The following ANKS1A variants were observed in gnomAD, a reference collection of about 807,000 sequenced individuals.
ANKS1A encodes the protein ankyrin repeat and sterile alpha motif domain containing 1A.
A neutral mutation model predicts 120.3 loss-of-function variants in ANKS1A; 55 were observed. The observed-to-expected ratio is 0.46, with a 90% confidence interval of 0.37 to 0.57. The LOEUF (loss-of-function observed/expected upper bound fraction) is 0.57. Ranked by LOEUF, ANKS1A falls within the 20% of genes least tolerant of loss-of-function variation. ANKS1A has a pLI of 0.00. For missense variants in ANKS1A, 1,123 were observed against 1,480.3 expected (o/e 0.76, Z 3.96); for synonymous variants, 590 against 604.7 (o/e 0.98, Z 0.36).
At chr6:35,063,733 T>C (rs1776629654) in intron 13 of ANKS1A, among the ~76,000 whole-genome samples, 2 of 152,156 alleles carry the variant, frequency 1.3e-5, no homozygotes, top group South Asian at 4.1e-4. Flanking sequence ...AGATGTGAAA[T>C]CAGAAAAGCA....
intron 8 of ANKS1A, among the ~76,000 whole-genome samples, chr6:34,986,724 G>A (rs1169547370): frequency 6.6e-6 from 1 of 152,248 alleles, no homozygotes; most frequent in Non-Finnish European, 1.5e-5. Context: ...AAGGCCCGCA[G>A]TCTAGTGGTA....
intron 1 of ANKS1A, among the ~76,000 whole-genome samples, chr6:34,947,515 G>T (rs1032730999): frequency 1.3e-5 from 2 of 152,110 alleles, no homozygotes; most frequent in African/African-American, 4.8e-5. Context: ...ACTCATTAAA[G>T]AATCTCTGAA....
chr6:35,031,863 T>A lies in ANKS1A; in HGVS notation c.2010+13804T>A, dbSNP rs1462206921. On this transcript the variant is annotated intron_variant, in intron 11 of 23. Coordinates refer to ENST00000360359, the MANE Select transcript of ANKS1A (RefSeq NM_015245.3). ...CTTCTCTTTCATCTCATACCCTATT[T>A]TTCCAGCTCAGTTAATTCCTATACT... is the stretch of plus-strand genomic sequence containing the variant. Among the ~76,000 whole-genome samples, 2 of 152,172 alleles carry A rather than the reference T, an allele frequency of 1.3e-5. 1 individual carries two copies. The highest frequency in any genetic ancestry group is 6.3e-3 in the Middle Eastern group (2 of 316).
chr6:34,934,995 C>T (rs1046475106), intron 1 of ANKS1A, among the ~76,000 whole-genome samples: 2 of 152,182 alleles, frequency 1.3e-5, no homozygotes, highest in African/African-American at 4.8e-5. Context: ...TTCATATTTA[C>T]TCTAATGTAA....
intron 13 of ANKS1A, among the ~76,000 whole-genome samples, chr6:35,067,283 C>A (rs1419889616): frequency 1.3e-5 from 2 of 152,160 alleles, no homozygotes; most frequent in Admixed American, 6.5e-5. Flanking sequence ...TGCCCTGGGA[C>A]TGGGAGGAAA....
intron 11 of ANKS1A, among the ~76,000 whole-genome samples, chr6:35,031,336 G>C (rs116388826): frequency 0.011 from 1,642 of 152,268 alleles, 33 homozygotes; most frequent in African/African-American, 0.037. Context: ...GGGCCCATGA[G>C]ACTTGCTCAA....
Position 35,088,971 on chromosome 6 carries a change from T to G in ANKS1A, c.*362T>G. The G allele has an allele frequency of 8.2e-7, 1 of 1,219,608 alleles. No individual in the cohort carries two copies. The highest frequency in any genetic ancestry group is 1.0e-6 in the Non-Finnish European group (1 of 965,932). 75.5% of individuals were successfully genotyped at this position (1,219,608 alleles called of 1,614,324 possible). A position where few individuals can be genotyped will look rare whatever the true frequency, so the allele number is the denominator to read the frequency against. ...CTGCCAATCTTTAGACAAATGGCCA[T>G]GGGGCAGAGGACAGGGGAGCTGAGG... On this transcript the variant is annotated 3_prime_UTR_variant, in exon 24 of 24. Coordinates refer to ENST00000360359, the MANE Select transcript of ANKS1A (RefSeq NM_015245.3).
Position 35,069,950 on chromosome 6 carries a change from C to G in ANKS1A, c.2185-8608C>G, listed in dbSNP as rs1319171120. The stretch of plus-strand genomic sequence containing the variant: ...GCTGAGGCAGGAGAATCGCTTGAAC[C>G]TGGGAGGTGGAAGTTGCGGTGAGCC... On this transcript the variant is annotated intron_variant, in intron 13 of 23. Transcript: ENST00000360359. Among the ~76,000 whole-genome samples the G allele has an allele frequency of 2.8e-5, 4 of 144,162 alleles. No individual in the cohort carries two copies. In the Admixed American group the frequency reaches 2.9e-4, roughly 11 times the overall value. 94.6% of individuals were successfully genotyped at this position (144,162 alleles called of 152,430 possible).
rs1277729529 is a variant in ANKS1A, at chr6:34,979,166, ATTAC to A, written c.436-2523_436-2520del. On this transcript the variant is annotated intron_variant, in intron 3 of 23. Coordinates refer to ENST00000360359, the MANE Select transcript of ANKS1A (RefSeq NM_015245.3). ...TGCCTCAGCCTTCCAAAGTGCTAGG[ATTAC>A]AGGCATGAGCCACCGTGCCCGGCCC... Among the ~76,000 whole-genome samples the A allele has an allele frequency of 4.6e-5, 7 of 152,252 alleles. No homozygotes were observed. The East Asian group carries it at 1.2e-3, about 25-fold the overall frequency.
intron 11 of ANKS1A, among the ~76,000 whole-genome samples, chr6:35,043,401 G>A (rs538529312): frequency 8.5e-5 from 13 of 152,296 alleles, no homozygotes; most frequent in Admixed American, 3.3e-4. Context: ...TGAAAATTTC[G>A]GGAGTCACCT....
At chr6:35,030,586 AATG>A (rs1290448381) in intron 11 of ANKS1A, among the ~76,000 whole-genome samples, 1 of 152,184 alleles carries the variant, frequency 6.6e-6, no homozygotes, top group Non-Finnish European at 1.5e-5. Context: ...AATAAATAAA[AATG>A]ATCTTCCAAC....
chr6:34,939,820 C>T (rs1328767883), intron 1 of ANKS1A, among the ~76,000 whole-genome samples: 3 of 152,174 alleles, frequency 2.0e-5, no homozygotes, highest in Non-Finnish European at 4.4e-5. Flanking sequence ...TTAGAAATAG[C>T]TGCAGAGTAG....
chr6:35,017,902 A>G lies in ANKS1A; in HGVS notation c.1853A>G (p.Lys618Arg). The G allele has an allele frequency of 6.2e-7, 1 of 1,614,200 alleles. No homozygotes were observed. The highest frequency in any genetic ancestry group is 1.1e-5 in the South Asian group (1 of 91,084). ...ACTAGCAAACCCAAAGCTGAACTCA[A>G]ACTCAGCCGCAGCTTGTCCAAGTCT... The part of the protein sequence containing the change: ...PPTSKPKAEL[K>R]LSRSLSKSDS... Residue 618 changes from lysine to arginine, a missense_variant, in exon 11 of 24, where the codon AAA (lysine) becomes AGA (arginine). This residue lies in a region of ANKS1A where 904 missense variants were observed against 1,130.4 expected (regional missense o/e 0.80). Transcript: ENST00000360359.
At chr6:35,052,398 C>T (rs1776011072) in intron 11 of ANKS1A, among the ~76,000 whole-genome samples, 1 of 151,834 alleles carries the variant, frequency 6.6e-6, no homozygotes, top group African/African-American at 2.4e-5. Flanking sequence ...TTGCAGTGAG[C>T]CGTGATCACA....
intron 1 of ANKS1A, among the ~76,000 whole-genome samples, chr6:34,909,835 C>T (rs1476852172): frequency 2.0e-5 from 3 of 152,090 alleles, no homozygotes; most frequent in Non-Finnish European, 4.4e-5. Flanking sequence ...AGGGGAAAAG[C>T]GAGAGTTATT....
At chr6:34,999,330 G>A (rs961096485) in intron 10 of ANKS1A, among the ~76,000 whole-genome samples, 2 of 152,200 alleles carry the variant, frequency 1.3e-5, no homozygotes, top group African/African-American at 4.8e-5. Flanking sequence ...GACTTGGGTT[G>A]CTTGATACTT....
chr6:34,972,093 T>C (rs1318676259), intron 3 of ANKS1A, among the ~76,000 whole-genome samples: 1 of 152,236 alleles, frequency 6.6e-6, no homozygotes, highest in Non-Finnish European at 1.5e-5. Context: ...AAAGTCCTTC[T>C]CATTTAAGAA....
At chr6:35,080,792 C>T (rs994349024) in intron 16 of ANKS1A, among the ~76,000 whole-genome samples, 2 of 152,112 alleles carry the variant, frequency 1.3e-5, no homozygotes, top group East Asian at 3.9e-4. Flanking sequence ...AAAGTGGCTT[C>T]CCCGCCCTCT....
chr6:35,073,351 C>T (rs1285840616), intron 13 of ANKS1A, among the ~76,000 whole-genome samples: 1 of 152,202 alleles, frequency 6.6e-6, no homozygotes, highest in Admixed American at 6.5e-5. Context: ...GGAGCCAGGC[C>T]GCCAGGGGCC....
Sources: allele counts gnomAD v4.1 joint callset (sites outside exome capture counted in the v4.1 genomes callset), GRCh38; gene constraint gnomAD v4.1.1; regional missense constraint gnomAD v4.1.1; transcripts MANE v1.5; gene names NCBI Gene and HGNC (gene_info 2026-07-23, HGNC 2026-07-21).